The following PID1 variants were observed in gnomAD, a reference collection of about 807,000 sequenced individuals.
PID1 encodes the protein phosphotyrosine interaction domain containing 1, also known as PTB-containing, cubilin and LRP1-interacting protein.
PID1 carries 10 observed loss-of-function variants against 19.1 expected under a neutral mutation model. The observed-to-expected ratio is 0.52, with a 90% CI of 0.32 to 0.89. The LOEUF (loss-of-function observed/expected upper bound fraction) is 0.89. Ranked by LOEUF, PID1 falls within the 40% of genes least tolerant of loss-of-function variation. PID1 has a pLI of 0.03. For synonymous variants in PID1, 130 were observed against 116.0 expected (o/e 1.12, Z -0.78); for missense variants, 248 against 285.3 (o/e 0.87, Z 0.94).
intron 2 of PID1, among the ~76,000 whole-genome samples, chr2:229,038,642 C>G (rs1693709419): frequency 2.0e-5 from 3 of 152,058 alleles, no homozygotes; most frequent in African/African-American, 7.2e-5. Flanking sequence ...AATATTTAAA[C>G]TTAAAGATGT....
chr2:229,250,375 G>A (rs988177886), intron 1 of PID1, among the ~76,000 whole-genome samples: 2 of 152,126 alleles, frequency 1.3e-5, no homozygotes, highest in African/African-American at 2.4e-5. Context: ...TTAAAGATGG[G>A]CTAGAAAACC....
chr2:229,074,277 C>T (rs902488991), intron 2 of PID1, among the ~76,000 whole-genome samples: 1 of 151,640 alleles, frequency 6.6e-6, no homozygotes, highest in African/African-American at 2.4e-5. Flanking sequence ...AGACCTGTCC[C>T]CAAAAATCCA....
At chr2:229,201,445 G>A (rs973394441) in intron 1 of PID1, among the ~76,000 whole-genome samples, 4 of 152,052 alleles carry the variant, frequency 2.6e-5, no homozygotes, top group African/African-American at 9.7e-5. Flanking sequence ...GTCGTGGCAT[G>A]TGTCAGAATT....
chr2:229,187,795 A>G (rs1313750554), intron 1 of PID1, among the ~76,000 whole-genome samples: 2 of 152,172 alleles, frequency 1.3e-5, no homozygotes, highest in African/African-American at 4.8e-5. Flanking sequence ...CCTCCACCAC[A>G]GCTATTTTCC....
intron 2 of PID1, among the ~76,000 whole-genome samples, chr2:229,148,848 G>C (rs1393119583): frequency 1.3e-5 from 2 of 151,946 alleles, no homozygotes; most frequent in Non-Finnish European, 2.9e-5. Context: ...AAAAATAAAA[G>C]CTTGTCTCTG....
rs750328267 is a variant in PID1, at chr2:229,026,060, C to G, written c.226G>C (p.Gly76Arg). Residue 76 changes from glycine to arginine, a missense_variant, in exon 3 of 3, where the codon GGC becomes CGC. By Grantham distance (125) the Gly-to-Arg change is moderately radical. Transcript: ENST00000392055. ...TCAATGACTGGCTTTTCTGTGCAGC[C>G]TGACAAAAACTGCATGCCAGTGGTG... ...VSTTGMQFLS[G>R]CTEKPVIELW... is the part of the protein sequence containing the mutation. 1.2e-6 allele frequency: 2 copies of G among 1,614,132 alleles called. No homozygotes were observed. The highest frequency in any genetic ancestry group is 1.7e-6 in the Non-Finnish European group (2 of 1,180,012).
intron 2 of PID1, among the ~76,000 whole-genome samples, chr2:229,050,386 T>C (rs1391238697): frequency 6.6e-6 from 1 of 152,234 alleles, no homozygotes; most frequent in Non-Finnish European, 1.5e-5. Context: ...AATCAAGGGC[T>C]CAGGACTGCT....
chr2:229,070,821 A>G (rs1208155064), intron 2 of PID1, among the ~76,000 whole-genome samples: 1 of 152,202 alleles, frequency 6.6e-6, no homozygotes, highest in Non-Finnish European at 1.5e-5. Flanking sequence ...GGCACAAGGG[A>G]AAAAGCACCA....
intron 2 of PID1, 149 bp downstream of exon 2, chr2:229,155,669 A>AAG (rs1574674723): frequency 1.5e-6 from 1 of 668,004 alleles, no homozygotes; most frequent in East Asian, 2.9e-5. Flanking sequence ...ATATGAATTC[A>AAG]GTCTACCATC....
intron 2 of PID1, among the ~76,000 whole-genome samples, chr2:229,048,111 C>G (rs1693919868): frequency 6.6e-6 from 1 of 152,206 alleles, no homozygotes; most frequent in African/African-American, 2.4e-5. Context: ...TATTTTCTAA[C>G]TCTGAGACAG....
intron 2 of PID1, among the ~76,000 whole-genome samples, chr2:229,143,113 G>T (rs1374768745): frequency 6.8e-6 from 1 of 147,278 alleles, no homozygotes; most frequent in African/African-American, 2.5e-5. Context: ...ACCAAACACC[G>T]CATATTCTCA....
intron 1 of PID1, among the ~76,000 whole-genome samples, chr2:229,229,385 T>C (rs1025073705): frequency 6.6e-6 from 1 of 152,154 alleles, no homozygotes; most frequent in African/African-American, 2.4e-5. Flanking sequence ...TGTTCTTGCA[T>C]TGCCCCCCAA....
intron 1 of PID1, among the ~76,000 whole-genome samples, chr2:229,173,687 G>A (rs563706483): frequency 8.5e-5 from 13 of 152,252 alleles, no homozygotes; most frequent in Admixed American, 3.9e-4. Context: ...TTCTTAGACC[G>A]TGTGCTAAGG....
At chr2:229,097,788 G>A (rs923817060) in intron 2 of PID1, among the ~76,000 whole-genome samples, 2 of 152,010 alleles carry the variant, frequency 1.3e-5, no homozygotes, top group Non-Finnish European at 2.9e-5. Context: ...TTCCCAAAAT[G>A]ATAATGAATA....
At chr2:229,266,860 C>T (rs1559309448) in intron 1 of PID1, among the ~76,000 whole-genome samples, 3 of 152,224 alleles carry the variant, frequency 2.0e-5, no homozygotes, top group South Asian at 2.1e-4. Context: ...ATTCTTAATC[C>T]TTGCTCCTTT....
intron 2 of PID1, among the ~76,000 whole-genome samples, chr2:229,132,420 T>C (rs1689763553): frequency 2.6e-5 from 4 of 152,186 alleles, no homozygotes. Flanking sequence ...GAGATCCAGC[T>C]TTCGGTGTCA....
chr2:229,190,753 TTTTG>T (rs148814869), intron 1 of PID1, among the ~76,000 whole-genome samples: 1 of 152,144 alleles, frequency 6.6e-6, no homozygotes, highest in Non-Finnish European at 1.5e-5. Context: ...TTCTATTGTT[TTTTG>T]TTTGTTTGTT....
intron 2 of PID1, among the ~76,000 whole-genome samples, chr2:229,139,354 A>G (rs1373967045): frequency 2.0e-5 from 3 of 152,078 alleles, no homozygotes; most frequent in Non-Finnish European, 4.4e-5. Flanking sequence ...CCTAAAGACA[A>G]ACGACTACAG....
chr2:229,133,297 C>T (rs1689782915), intron 2 of PID1, among the ~76,000 whole-genome samples: 1 of 152,214 alleles, frequency 6.6e-6, no homozygotes, highest in Non-Finnish European at 1.5e-5. Context: ...CACTTCCAGG[C>T]ATAAGCCTGC....
Sources: gnomAD v4.1 joint callset for allele counts (sites outside exome capture counted in the v4.1 genomes callset) on GRCh38, gnomAD v4.1.1 for gene constraint, MANE v1.5 for transcripts, NCBI Gene and HGNC (gene_info 2026-07-23, HGNC 2026-07-21) for gene names.